MET: variants seen among roughly 807,000 people sequenced by gnomAD.
The protein encoded by MET is MET proto-oncogene, receptor tyrosine kinase.
In MET, 48 loss-of-function variants were observed where a neutral mutation model predicts 133.1. That is an observed-to-expected ratio of 0.36 (90% CI 0.29 to 0.46). The LOEUF (loss-of-function observed/expected upper bound fraction) is 0.46. Among genes scored for constraint, MET ranks in the 20% least tolerant of loss-of-function variants. The probability of loss-of-function intolerance (pLI) is 1.00; values close to 1 mark genes in which losing one functional copy is unlikely to be tolerated. For missense variants in MET, 1,442 were observed against 1,695.9 expected (o/e 0.85, Z 2.63); for synonymous variants, 628 against 616.5 (o/e 1.02, Z -0.28).
chr7:116,739,798 A>G (rs35017174), intron 3 of MET, 152 bp from the exon 4 acceptor site: 11 of 1,061,518 alleles, frequency 1.0e-5, no homozygotes, highest in Non-Finnish European at 1.4e-6. Context: ...AGAAGATGAC[A>G]TATTGATTTA....
chr7:116,788,523 T>TAGCCACAG (rs1437274566), intron 19 of MET, among the ~76,000 whole-genome samples: 1 of 152,160 alleles, frequency 6.6e-6, no homozygotes, highest in East Asian at 1.9e-4. Flanking sequence ...GCTTCCACCA[T>TAGCCACAG]AGCCACAGTC....
chr7:116,721,383 CT>C (rs1265281832), intron 2 of MET, among the ~76,000 whole-genome samples: 1 of 152,006 alleles, frequency 6.6e-6, no homozygotes, highest in African/African-American at 2.4e-5. Flanking sequence ...CTCTTTTCTT[CT>C]TTATTAGTCT....
At chr7:116,724,397 C>T in intron 2 of MET, 1 of 322,528 alleles carries the variant, frequency 3.1e-6, no homozygotes, top group South Asian at 2.8e-5. Flanking sequence ...GAACCCAGTA[C>T]CTCAGATGGA....
chr7:116,784,675 G>T (rs1054461545), intron 19 of MET, among the ~76,000 whole-genome samples: 1 of 152,076 alleles, frequency 6.6e-6, no homozygotes, highest in African/African-American at 2.4e-5. Context: ...CCTCAGCATT[G>T]GGGATTACAA....
At chr7:116,733,005 A>T (rs1027140628) in intron 3 of MET, among the ~76,000 whole-genome samples, 1 of 152,120 alleles carries the variant, frequency 6.6e-6, no homozygotes, top group Admixed American at 6.5e-5. Context: ...ATTGCTTCAC[A>T]TTGAACTACG....
chr7:116,754,745 A>G (rs1794059675), intron 5 of MET, among the ~76,000 whole-genome samples: 1 of 151,342 alleles, frequency 6.6e-6, no homozygotes, highest in Non-Finnish European at 1.5e-5. Flanking sequence ...TGAGCTCAAG[A>G]GGTTGAGGCT....
chr7:116,766,299 T>C (rs1484673628), intron 11 of MET, among the ~76,000 whole-genome samples: 1 of 152,152 alleles, frequency 6.6e-6, no homozygotes, highest in Non-Finnish European at 1.5e-5. Flanking sequence ...CTTCAAATGT[T>C]CAATCTGGAG....
chr7:116,727,633 G>A (rs556307717), intron 2 of MET, among the ~76,000 whole-genome samples: 2 of 152,224 alleles, frequency 1.3e-5, no homozygotes, highest in African/African-American at 4.8e-5. Flanking sequence ...TGCCAGCAAT[G>A]CTCAGTTTTA....
At chr7:116,760,754 G>A (rs563319707) in intron 10 of MET, among the ~76,000 whole-genome samples, 1 of 152,184 alleles carries the variant, frequency 6.6e-6, no homozygotes, top group East Asian at 1.9e-4. Context: ...TTCTCAATCA[G>A]CCACATTGCA....
intron 19 of MET, among the ~76,000 whole-genome samples, chr7:116,791,892 G>A (rs539787058): frequency 1.1e-4 from 16 of 152,272 alleles, no homozygotes; most frequent in Admixed American, 6.5e-4. Context: ...GACTTCAAGT[G>A]ATCCGCCTGC....
chr7:116,768,522 C>A (rs1433029332), intron 11 of MET, among the ~76,000 whole-genome samples: 3 of 152,118 alleles, frequency 2.0e-5, no homozygotes, highest in African/African-American at 7.2e-5. Context: ...TTGTCTATAT[C>A]CATTTTATCT....
intron 5 of MET, among the ~76,000 whole-genome samples, chr7:116,753,884 T>G (rs902316258): frequency 3.9e-5 from 6 of 152,342 alleles, no homozygotes; most frequent in Middle Eastern, 3.4e-3. Context: ...TAGATTCACT[T>G]TTCATTTGTT....
intron 3 of MET, among the ~76,000 whole-genome samples, chr7:116,733,734 G>A (rs570678032): frequency 6.6e-6 from 1 of 151,848 alleles, no homozygotes; most frequent in African/African-American, 2.4e-5. Flanking sequence ...TTTTAAAAGT[G>A]GCTTTTAATT....
At chr7:116,689,349 C>T (rs1796689775) in intron 1 of MET, among the ~76,000 whole-genome samples, 1 of 152,020 alleles carries the variant, frequency 6.6e-6, no homozygotes, top group African/African-American at 2.4e-5. Flanking sequence ...ATAGATTTGG[C>T]CCAAATCTTT....
rs1191390259 is a variant in MET, at chr7:116,796,803, G to A, written c.*679G>A. The A allele has an allele frequency of 1.1e-5, 2 of 183,856 alleles. No homozygotes were observed. Among genetic ancestry groups the A allele is most frequent in the African/African-American group, 4.7e-5 (2 of 42,444 alleles). 11.4% of individuals were successfully genotyped at this position (183,856 alleles called of 1,614,324 possible). On this transcript the variant is annotated 3_prime_UTR_variant, in exon 21 of 21. Transcript: ENST00000397752. ...CCGGCTAATTTTTGTATTTTTTGTA[G>A]AGACGGGGTTTTGCCATGTTGCCAA...
intron 1 of MET, among the ~76,000 whole-genome samples, chr7:116,688,695 A>C (rs1796663919): frequency 6.6e-6 from 1 of 152,232 alleles, no homozygotes; most frequent in Non-Finnish European, 1.5e-5. Flanking sequence ...ATAAAGGATA[A>C]TCTTGAGGAT....
chr7:116,686,464 A>T (rs1416338233), intron 1 of MET, among the ~76,000 whole-genome samples: 1 of 152,098 alleles, frequency 6.6e-6, no homozygotes, highest in Non-Finnish European at 1.5e-5. Flanking sequence ...TTTCCCTGTA[A>T]CACACATCAA....
At chr7:116,777,367 C>T (rs1373269653) in intron 15 of MET, 22 bp from the exon 16 acceptor site, 1 of 1,602,912 alleles carries the variant, frequency 6.2e-7, no homozygotes, top group Non-Finnish European at 8.5e-7. Context: ...GCAGTGCTAA[C>T]CAAGTTCTTT....
At chr7:116,745,343 G>A (rs1400078960) in intron 5 of MET, among the ~76,000 whole-genome samples, 1 of 152,150 alleles carries the variant, frequency 6.6e-6, no homozygotes, top group Non-Finnish European at 1.5e-5. Context: ...TCATGAAAAT[G>A]GCCATACTGC....
Sources: gnomAD v4.1 joint callset for allele counts (sites outside exome capture counted in the v4.1 genomes callset) on GRCh38, gnomAD v4.1.1 for gene constraint, MANE v1.5 for transcripts, NCBI Gene and HGNC (gene_info 2026-07-23, HGNC 2026-07-21) for gene names.